The following CCDC191 variants were observed in gnomAD, a reference collection of about 807,000 sequenced individuals.
CCDC191 encodes the protein coiled-coil domain containing 191.
Under a neutral mutation model 114.0 loss-of-function variants are expected in CCDC191, and 99 were observed. The observed-to-expected ratio is 0.87, with a 90% CI of 0.74 to 1.03. The LOEUF (loss-of-function observed/expected upper bound fraction) is 1.03, where lower values mean the gene tolerates loss of function less well. Among genes scored for constraint, CCDC191 ranks in the 50% least tolerant of loss-of-function variants. CCDC191 has a pLI of 0.00. For missense variants in CCDC191, 973 were observed against 1,087.0 expected (o/e 0.90, Z 1.47); for synonymous variants, 351 against 376.0 (o/e 0.93, Z 0.77).
At chr3:113,974,942 T>G (rs1211467607) in intron 16 of CCDC191, among the ~76,000 whole-genome samples, 1 of 152,194 alleles carries the variant, frequency 6.6e-6, no homozygotes. Flanking sequence ...TAGGTATTTT[T>G]TTATGCTTGG....
chr3:113,988,274 G>C (rs1333020344), intron 13 of CCDC191, among the ~76,000 whole-genome samples: 1 of 149,756 alleles, frequency 6.7e-6, no homozygotes, highest in African/African-American at 2.5e-5. Context: ...GGCAGGTGGA[G>C]CACGAGGTCA....
At chr3:114,038,279 C>T (rs1174761573) in intron 4 of CCDC191, among the ~76,000 whole-genome samples, 3 of 152,178 alleles carry the variant, frequency 2.0e-5, no homozygotes, top group Non-Finnish European at 4.4e-5. Context: ...TCTCTAACTA[C>T]AGTCATGTGT....
At chr3:114,001,818 A>G in intron 12 of CCDC191, 122 bp from the exon 13 acceptor site, 3 of 1,218,358 alleles carry the variant, frequency 2.5e-6, no homozygotes, top group Non-Finnish European at 3.4e-6. Flanking sequence ...AGAAGTCTGC[A>G]TTTTGTGATA....
At position 114,027,413 on chromosome 3, in the gene CCDC191, A is replaced by C. The variant is rs371532667; in HGVS notation, c.972+4213T>G. On this transcript the variant is annotated intron_variant, in intron 7 of 16. Transcript: ENST00000295878. Reference sequence around the variant, plus strand: ...GGCGGATCACGAGGTCAGGAGATTGAGAACAGCCTGGCCAACATGGTGAAA... The same window carrying C: ...GGCGGATCACGAGGTCAGGAGATTGCGAACAGCCTGGCCAACATGGTGAAA... Among the ~76,000 whole-genome samples the C allele has an allele frequency of 7.2e-5, 11 of 152,124 alleles. No homozygotes were observed. The East Asian group carries it at 2.1e-3, about 30-fold the overall frequency.
chr3:114,042,537 A>G (rs1389086814), intron 4 of CCDC191, among the ~76,000 whole-genome samples, 166 bp downstream of exon 4: 1 of 152,232 alleles, frequency 6.6e-6, no homozygotes, highest in Non-Finnish European at 1.5e-5. Context: ...CTGAAGATAT[A>G]GCATAAGAAA....
At position 114,005,825 on chromosome 3, in the gene CCDC191, A is replaced by G. The variant is rs889486530; in HGVS notation, c.1551T>C (p.Asn517=). 6.2e-7 allele frequency: 1 copy of G among 1,613,866 alleles called. No homozygotes were observed. The highest frequency in any genetic ancestry group is 8.5e-7 in the Non-Finnish European group (1 of 1,179,942). ...LQNVSLSAPG[N]KQHKTLGAEP... Reference sequence around the variant, plus strand: ...CAGCACCCAGGGTCTTGTGCTGCTTATTGCCAGGTGCACTCAGAGAGACAT... The same window carrying G: ...CAGCACCCAGGGTCTTGTGCTGCTTGTTGCCAGGTGCACTCAGAGAGACAT... Residue 517 remains asparagine (N), a synonymous_variant, in exon 10 of 17, where the codon AAT becomes AAC. Transcript: ENST00000295878.
chr3:113,964,372 A>G lies in CCDC191; in HGVS notation c.*783T>C, dbSNP rs1156298634. 6.6e-6 allele frequency: 1 copy of G among 152,230 alleles called. No homozygotes were observed. The highest frequency in any genetic ancestry group is 1.5e-5 in the Non-Finnish European group (1 of 68,040). 9.4% of individuals were successfully genotyped at this position (152,230 alleles called of 1,614,324 possible). On this transcript the variant is annotated 3_prime_UTR_variant, in exon 17 of 17. Transcript: ENST00000295878. ...ATTTTATCAGTCTTTATAGCATCTT[A>G]AAGATGAAAACATTCTTTGAATTCA... is the stretch of plus-strand genomic sequence containing the variant.
intron 13 of CCDC191, among the ~76,000 whole-genome samples, chr3:113,981,073 C>G (rs2075133979): frequency 6.6e-6 from 1 of 152,094 alleles, no homozygotes; most frequent in South Asian, 2.1e-4. Flanking sequence ...CACCAAGTAA[C>G]TAAAAGGTAA....
rs112697812 is a variant in CCDC191, at chr3:113,993,751, G to A, written c.2163+7844C>T. Among the ~76,000 whole-genome samples, 782 of 152,252 alleles carry A rather than the reference G, an allele frequency of 5.1e-3. 7 individuals carry two copies. The highest frequency in any genetic ancestry group is 0.017 in the African/African-American group (708 of 41,548). Reference sequence around the variant, plus strand: ...AATACAAAAATTAGCTGGGCATGGTGGTGTGTGCCTGTAGTCTCAGCTACT... The same window carrying A: ...AATACAAAAATTAGCTGGGCATGGTAGTGTGTGCCTGTAGTCTCAGCTACT... On this transcript the variant is annotated intron_variant, in intron 13 of 16. Transcript: ENST00000295878.
Position 114,036,641 on chromosome 3 carries a change from A to T in CCDC191, c.561T>A (p.Asp187Glu), listed in dbSNP as rs150401939. Residue 187 changes from aspartate (D) to glutamate (E), a missense_variant, in exon 5 of 17, where the codon GAT (aspartate) becomes GAA (glutamate). By Grantham distance (45) the Asp-to-Glu change is conservative. Coordinates refer to ENST00000295878, the MANE Select transcript of CCDC191 (RefSeq NM_020817.2). The part of the protein sequence containing the change: ...KENQDKKQQK[D>E]PRLTMEMRHK... ...GTCTCATCTCCATGGTAAGACGAGG[A>T]TCCTTCTGCTGCTTCTTGTCTTGGT... 595 of 1,602,830 alleles carry T rather than the reference A, an allele frequency of 3.7e-4. 1 individual carries two copies. The highest frequency in any genetic ancestry group is 2.7e-3 in the Middle Eastern group (16 of 6,024).
intron 13 of CCDC191, among the ~76,000 whole-genome samples, chr3:113,990,931 CAAAAAAAAAAAAA>C (rs35483860): frequency 2.1e-5 from 1 of 47,634 alleles, no homozygotes; most frequent in Non-Finnish European, 3.8e-5. Context: ...TAAAGCACCT[CAAAAAAAAAAAAA>C]AAAAAAAAAA....
intron 4 of CCDC191, among the ~76,000 whole-genome samples, chr3:114,038,255 G>T (rs1368980233): frequency 2.0e-5 from 3 of 152,216 alleles, no homozygotes; most frequent in Non-Finnish European, 4.4e-5. Context: ...TCCAAAGATA[G>T]TGGGGTAATG....
intron 2 of CCDC191, among the ~76,000 whole-genome samples, chr3:114,052,554 T>C (rs1348039077): frequency 6.6e-6 from 1 of 152,156 alleles, no homozygotes; most frequent in African/African-American, 2.4e-5. Context: ...TTCCCCTGAC[T>C]CCATTTAAAT....
In CCDC191 at chr3:114,005,659, G is replaced by A; in HGVS notation, c.1717C>T (p.Gln573Ter). The change falls in exon 10 of 17, where the codon CAG (glutamine) becomes TAG (stop). Residue 573 changes from glutamine to a stop codon, truncating the protein, a stop_gained. Coordinates refer to ENST00000295878, the MANE Select transcript of CCDC191 (RefSeq NM_020817.2). LOFTEE classifies it high-confidence loss of function. Reference protein sequence around the residue: ...IEKQKKKLQEQQKTILELKKN... With the variant: ...IEKQKKKLQE The stretch of plus-strand genomic sequence containing the variant: ...TTCAGCTCGAGAATTGTTTTCTGCT[G>A]TTCCTGAAGTTTCTTCTTTTGCTTC... 1 of 1,614,134 alleles carries A rather than the reference G, an allele frequency of 6.2e-7. No homozygotes were observed. The highest frequency in any genetic ancestry group is 8.5e-7 in the Non-Finnish European group (1 of 1,180,004).
At chr3:114,020,713 G>A (rs1302257857) in intron 7 of CCDC191, among the ~76,000 whole-genome samples, 1 of 152,078 alleles carries the variant, frequency 6.6e-6, no homozygotes, top group Non-Finnish European at 1.5e-5. Context: ...TTCTGTGTCT[G>A]TTTACCAAAT....
intron 16 of CCDC191, among the ~76,000 whole-genome samples, chr3:113,977,299 T>C (rs1386860302): frequency 6.6e-6 from 1 of 152,056 alleles, no homozygotes; most frequent in Non-Finnish European, 1.5e-5. Flanking sequence ...GGGGCATTTT[T>C]ATACACCCAC....
rs541177996 is a variant in CCDC191, at chr3:114,016,069, G to A, written c.1163+2609C>T. On this transcript the variant is annotated intron_variant, in intron 8 of 16. Coordinates refer to ENST00000295878, the MANE Select transcript of CCDC191 (RefSeq NM_020817.2). ...CTTCATGGCGGACAGGCCAGTGAGC[G>A]GAAATCGAGGTGGCAAACACACACG... Among the ~76,000 whole-genome samples, 13 of 152,334 alleles carry A rather than the reference G, an allele frequency of 8.5e-5. No homozygotes were observed. In the East Asian group the frequency reaches 2.1e-3, roughly 25 times the overall value.
chr3:113,994,798 G>T (rs527932123), intron 13 of CCDC191, among the ~76,000 whole-genome samples: 1 of 152,040 alleles, frequency 6.6e-6, no homozygotes, highest in Admixed American at 6.5e-5. Context: ...GCCCAGGCTG[G>T]TATCAACTTT....
intron 9 of CCDC191, among the ~76,000 whole-genome samples, chr3:114,008,185 T>C (rs1002786053): frequency 7.3e-5 from 11 of 149,788 alleles, no homozygotes; most frequent in African/African-American, 2.7e-4. Context: ...TGACTTTTTT[T>C]TTTTTTTCAT....
Sources: gnomAD v4.1 joint callset for allele counts (sites outside exome capture counted in the v4.1 genomes callset) on GRCh38, gnomAD v4.1.1 for gene constraint, MANE v1.5 for transcripts, NCBI Gene and HGNC (gene_info 2026-07-23, HGNC 2026-07-21) for gene names.